The following DDX60 variants were observed in gnomAD, a reference collection of about 807,000 sequenced individuals.
The protein encoded by DDX60 is DExD/H-box helicase 60, also known as probable ATP-dependent RNA helicase DDX60.
Under a neutral mutation model 212.8 loss-of-function variants are expected in DDX60, and 165 were observed. That is an observed-to-expected ratio of 0.78 (90% CI 0.68 to 0.88). DDX60 has a LOEUF of 0.88. Ranked by LOEUF, DDX60 falls within the 40% of genes least tolerant of loss-of-function variation. The pLI is 0.00. For missense variants in DDX60, 1,905 were observed against 2,003.9 expected (o/e 0.95, Z 0.94); for synonymous variants, 703 against 685.3 (o/e 1.03, Z -0.40).
intron 30 of DDX60, among the ~76,000 whole-genome samples, chr4:168,241,570 GCCTCT>G (rs1222377521): frequency 1.2e-4 from 18 of 152,286 alleles, no homozygotes; most frequent in African/African-American, 4.3e-4. Context: ...GCAGCATTTT[GCCTCT>G]GCCTGAGAGA....
rs752678655 is a variant in DDX60, at chr4:168,308,021, G to A, written c.249C>T (p.Thr83=). The A allele has an allele frequency of 1.9e-6, 3 of 1,588,328 alleles. No individual in the cohort carries two copies. The highest frequency in any genetic ancestry group is 1.7e-4 in the Middle Eastern group (1 of 6,028). Residue 83 remains threonine (T), a synonymous_variant, in exon 4 of 38, where the codon ACC becomes ACT. Coordinates refer to ENST00000393743, the MANE Select transcript of DDX60 (RefSeq NM_017631.6). ...ATCATGTTACCTTGAAGAAAACTAT[G>A]GTGAATTGTCCTCCTTTGCTAATAA... ...VDLISKGGQF[T]IVFFKDAEYA...
At chr4:168,231,545 C>T (rs971075991) in intron 33 of DDX60, among the ~76,000 whole-genome samples, 1 of 152,006 alleles carries the variant, frequency 6.6e-6, no homozygotes, top group Non-Finnish European at 1.5e-5. Context: ...ACTAGGGATG[C>T]TGGGATGGTT....
chr4:168,302,407 T>C lies in DDX60; in HGVS notation c.616A>G (p.Asn206Asp). 1 of 1,439,532 alleles carries C rather than the reference T, an allele frequency of 6.9e-7. No individual in the cohort carries two copies. The highest frequency in any genetic ancestry group is 9.2e-7 in the Non-Finnish European group (1 of 1,082,682). 89.2% of individuals were successfully genotyped at this position (1,439,532 alleles called of 1,614,324 possible). The change falls in exon 6 of 38, where the codon AAC becomes GAC. Residue 206 changes from asparagine to aspartate, a missense_variant. By Grantham distance (23) the Asn-to-Asp change is conservative. Transcript: ENST00000393743. ...HQIFSWKNKQ[N>D]IKDAYTTLLN... Reference sequence around the variant, plus strand: ...AGGGTTGTATAAGCATCTTTAATGTTCTGCTTATTCTGTAAAATAAAGAAA... The same window carrying C: ...AGGGTTGTATAAGCATCTTTAATGTCCTGCTTATTCTGTAAAATAAAGAAA...
chr4:168,261,557 A>G (rs1485648701), intron 24 of DDX60, among the ~76,000 whole-genome samples: 5 of 152,250 alleles, frequency 3.3e-5, no homozygotes, highest in Admixed American at 3.3e-4. Flanking sequence ...TGTAACTTAT[A>G]TAATTCCAGG....
chr4:168,261,093 GT>G, intron 24 of DDX60, 104 bp from the exon 25 acceptor site: 88 of 1,289,274 alleles, frequency 6.8e-5, no homozygotes, highest in Non-Finnish European at 9.2e-5. Context: ...ATGTTTTTGG[GT>G]TTTTTTAAAA....
rs1732864549 is a variant in DDX60, at chr4:168,216,919, C to T, written c.*14G>A. 1.9e-6 allele frequency: 3 copies of T among 1,539,154 alleles called. No individual in the cohort carries two copies. Among genetic ancestry groups the T allele is most frequent in the African/African-American group, 2.8e-5 (2 of 71,606 alleles). On this transcript the variant is annotated 3_prime_UTR_variant, in exon 38 of 38. Coordinates refer to ENST00000393743, the MANE Select transcript of DDX60 (RefSeq NM_017631.6). The stretch of plus-strand genomic sequence containing the variant: ...TATGGAATTATTTTTAAGTGGTTTG[C>T]ATAGACTTTGTTTTTAGACTTTGTT...
chr4:168,237,864 A>C, intron 30 of DDX60, 69 bp from the exon 31 acceptor site: 1 of 1,157,534 alleles, frequency 8.6e-7, no homozygotes, highest in Non-Finnish European at 1.2e-6. Flanking sequence ...AAATGATAAT[A>C]AATGATAGAT....
chr4:168,294,780 G>A (rs1736268873), intron 6 of DDX60, among the ~76,000 whole-genome samples: 1 of 152,010 alleles, frequency 6.6e-6, no homozygotes, highest in East Asian at 1.9e-4. Context: ...GGGATTACAG[G>A]TATGAGCCAC....
At chr4:168,319,852 CAG>C (rs1196341658), upstream of DDX60, among the ~76,000 whole-genome samples, 1 of 152,058 alleles carries the variant, frequency 6.6e-6, no homozygotes, top group African/African-American at 2.4e-5. Flanking sequence ...ACAGGGAACA[CAG>C]AACAGAGAGA....
chr4:168,272,809 T>C (rs980874117), intron 18 of DDX60, among the ~76,000 whole-genome samples: 8 of 152,232 alleles, frequency 5.3e-5, no homozygotes. Flanking sequence ...TCTATAATCA[T>C]GTGTTCATTC....
intron 33 of DDX60, chr4:168,235,885 T>C (rs997075594): frequency 5.6e-6 from 1 of 177,364 alleles, no homozygotes; most frequent in African/African-American, 2.4e-5. Context: ...TCCATAGTTC[T>C]ACCTTAAGGT....
In DDX60 at chr4:168,291,792, T is replaced by C. The variant is rs201531675; in HGVS notation, c.997A>G (p.Ile333Val). 1.0e-4 allele frequency: 163 copies of C among 1,611,796 alleles called. No individual in the cohort carries two copies. Among genetic ancestry groups the C allele is most frequent in the Admixed American group, 1.0e-3 (60 of 59,624 alleles). ...ATGTCCTCAGCCCAATGGGAAGTGATGACTCTAGCACAAGCTCTTTGAGAA... is the reference window on the plus strand; with the variant it reads ...ATGTCCTCAGCCCAATGGGAAGTGACGACTCTAGCACAAGCTCTTTGAGAA... Reference protein sequence around the residue: ...PLSQRACARVITSHWAEDMKP... With the variant: ...PLSQRACARVVTSHWAEDMKP... Residue 333 changes from isoleucine (I) to valine (V), a missense_variant, in exon 8 of 38, where the codon ATC becomes GTC. Coordinates refer to ENST00000393743, the MANE Select transcript of DDX60 (RefSeq NM_017631.6).
rs1338822411 is a variant in DDX60 at position 168,239,047 on chromosome 4, G to A, written c.4165-1252C>T. On this transcript the variant is annotated intron_variant, in intron 30 of 37. Coordinates refer to ENST00000393743, the MANE Select transcript of DDX60 (RefSeq NM_017631.6). ...TCAGATTTGGATAGATGTATCCAAAGTGATAAAATAGAAAAACACACAATA... is the reference window on the plus strand; with the variant it reads ...TCAGATTTGGATAGATGTATCCAAAATGATAAAATAGAAAAACACACAATA... Among the ~76,000 whole-genome samples the A allele has an allele frequency of 2.6e-5, 4 of 152,212 alleles. 1 individual carries two copies. The East Asian group carries it at 5.8e-4, about 22-fold the overall frequency.
At position 168,287,146 on chromosome 4, in the gene DDX60, G is replaced by C. The variant is rs780021051; in HGVS notation, c.1241C>G (p.Thr414Ser). The C allele has an allele frequency of 4.3e-6, 7 of 1,610,700 alleles. No homozygotes were observed. Among genetic ancestry groups the C allele is most frequent in the Non-Finnish European group, 5.9e-6 (7 of 1,178,368 alleles). Reference protein sequence around the residue: ...IMKDYEYLWNTVSKLVRDFEV... With the variant: ...IMKDYEYLWNSVSKLVRDFEV... Reference sequence around the variant, plus strand: ...AAAGTCTCTGACCAACTTTGATACGGTATTCCAGAGATATTCATAATCTTT... The same window carrying C: ...AAAGTCTCTGACCAACTTTGATACGCTATTCCAGAGATATTCATAATCTTT... Residue 414 changes from threonine (T) to serine (S), a missense_variant, in exon 10 of 38, where the codon ACC becomes AGC. Physicochemically the swap from Thr to Ser is moderately conservative, Grantham distance 58. Coordinates refer to ENST00000393743, the MANE Select transcript of DDX60 (RefSeq NM_017631.6).
At chr4:168,287,541 T>C (rs1177471295) in intron 9 of DDX60, among the ~76,000 whole-genome samples, 2 of 152,182 alleles carry the variant, frequency 1.3e-5, no homozygotes, top group Admixed American at 1.3e-4. Flanking sequence ...ATAAAAACTT[T>C]AGTTTTTGAG....
At chr4:168,313,779 A>G (rs1737243397) in intron 1 of DDX60, among the ~76,000 whole-genome samples, 1 of 152,230 alleles carries the variant, frequency 6.6e-6, no homozygotes, top group Non-Finnish European at 1.5e-5. Context: ...TTCATTTATT[A>G]AGTAGTTAGA....
intron 30 of DDX60, among the ~76,000 whole-genome samples, chr4:168,242,490 T>C (rs1445239732): frequency 6.6e-6 from 1 of 152,212 alleles, no homozygotes; most frequent in Non-Finnish European, 1.5e-5. Context: ...CAGTGTGACC[T>C]GGATGTGAGA....
At chr4:168,322,461 G>C (rs1737625991), upstream of DDX60, among the ~76,000 whole-genome samples, 1 of 151,974 alleles carries the variant, frequency 6.6e-6, no homozygotes, top group Admixed American at 6.6e-5. Flanking sequence ...CTGGATTATT[G>C]AAACAACCTT....
chr4:168,237,592 T>C (rs1733674286), intron 31 of DDX60, 99 bp downstream of exon 31: 2 of 1,184,176 alleles, frequency 1.7e-6, no homozygotes, highest in African/African-American at 3.1e-5. Flanking sequence ...ATATCAATCA[T>C]TGGATAGAAC....
Sources: allele counts gnomAD v4.1 joint callset (sites outside exome capture counted in the v4.1 genomes callset), GRCh38; gene constraint gnomAD v4.1.1; transcripts MANE v1.5; gene names NCBI Gene and HGNC (gene_info 2026-07-23, HGNC 2026-07-21).